The following ABLIM1 variants were observed in gnomAD, a reference collection of about 807,000 sequenced individuals.
The protein encoded by ABLIM1 is actin-binding LIM protein 1.
Under a neutral mutation model 107.0 loss-of-function variants are expected in ABLIM1, and 40 were observed. That is an observed-to-expected ratio of 0.37 (90% CI 0.29 to 0.49). ABLIM1 has a LOEUF of 0.49. Among genes scored for constraint, ABLIM1 ranks in the 20% least tolerant of loss-of-function variants. ABLIM1 has a pLI of 0.97. For missense variants in ABLIM1, 857 were observed against 1,008.5 expected (o/e 0.85, Z 2.04); for synonymous variants, 357 against 357.3 (o/e 1.00, Z 0.01).
chr10:114,481,654 C>T (rs957962027), intron 8 of ABLIM1, among the ~76,000 whole-genome samples: 2 of 152,178 alleles, frequency 1.3e-5, no homozygotes, highest in East Asian at 1.9e-4. Context: ...GGGTGCTGTG[C>T]GCACACACCA....
At chr10:114,547,819 G>A (rs995033989) in intron 4 of ABLIM1, 43 bp from the exon 5 acceptor site, 16 of 1,592,718 alleles carry the variant, frequency 1.0e-5, no homozygotes, top group African/African-American at 4.0e-5. Context: ...CATTTCCTTT[G>A]CTAAATCCAA....
At chr10:114,580,580 T>C (rs542626600) in intron 2 of ABLIM1, among the ~76,000 whole-genome samples, 1 of 152,332 alleles carries the variant, frequency 6.6e-6, no homozygotes, top group South Asian at 2.1e-4. Context: ...ATAAGTTGAA[T>C]AAATCTTTGA....
intron 1 of ABLIM1, among the ~76,000 whole-genome samples, chr10:114,671,183 T>C (rs1190586764): frequency 6.6e-6 from 1 of 152,258 alleles, no homozygotes; most frequent in African/African-American, 2.4e-5. Context: ...ATGATTCATG[T>C]GACAGTATGT....
intron 6 of ABLIM1, among the ~76,000 whole-genome samples, chr10:114,527,204 T>TG (rs1565831930): frequency 6.6e-6 from 1 of 152,166 alleles, no homozygotes; most frequent in Non-Finnish European, 1.5e-5. Flanking sequence ...TCACACAGCC[T>TG]GCAGCCTCCT....
At chr10:114,701,966 G>C (rs2081315488) in intron 1 of ABLIM1, among the ~76,000 whole-genome samples, 1 of 152,164 alleles carries the variant, frequency 6.6e-6, no homozygotes, top group Non-Finnish European at 1.5e-5. Flanking sequence ...GAGTGTTGAA[G>C]CTGGGCGATG....
At chr10:114,524,488 AAAAG>A (rs1343633458) in intron 6 of ABLIM1, among the ~76,000 whole-genome samples, 2 of 152,208 alleles carry the variant, frequency 1.3e-5, no homozygotes, top group African/African-American at 4.8e-5. Flanking sequence ...GCGAAAAGAA[AAAAG>A]AAATGAAAGC....
At chr10:114,656,214 G>T (rs1403317388) in intron 1 of ABLIM1, among the ~76,000 whole-genome samples, 2 of 139,228 alleles carry the variant, frequency 1.4e-5, no homozygotes, top group East Asian at 4.5e-4. Flanking sequence ...AGGTTGCAGT[G>T]AGCCGAGATC....
chr10:114,793,376 C>A, the ABLIM1 span, among the ~76,000 whole-genome samples: 3 of 152,004 alleles, frequency 2.0e-5, no homozygotes, highest in African/African-American at 7.3e-5. Context: ...GCCTGCTCCC[C>A]CTTTGCCTTC....
chr10:114,593,995 C>T (rs886466231), intron 2 of ABLIM1, among the ~76,000 whole-genome samples: 4 of 152,188 alleles, frequency 2.6e-5, no homozygotes, highest in Non-Finnish European at 5.9e-5. Context: ...CAGTAAGAAG[C>T]GAGCACATTT....
intron 4 of ABLIM1, among the ~76,000 whole-genome samples, chr10:114,563,082 G>A (rs1308416545): frequency 1.3e-5 from 2 of 152,232 alleles, no homozygotes; most frequent in South Asian, 2.1e-4. Context: ...AAATGATTTT[G>A]GAAAAGAAGA....
intron 1 of ABLIM1, among the ~76,000 whole-genome samples, chr10:114,677,017 A>C (rs1019972012): frequency 3.3e-5 from 5 of 152,132 alleles, no homozygotes; most frequent in Admixed American, 3.3e-4. Context: ...GATTACAGGC[A>C]TGAGCCACCG....
At chr10:114,578,255 C>T (rs906790204) in intron 2 of ABLIM1, among the ~76,000 whole-genome samples, 1 of 152,244 alleles carries the variant, frequency 6.6e-6, no homozygotes, top group Non-Finnish European at 1.5e-5. Context: ...CCATGCCTCT[C>T]TCAAACCCAG....
chr10:114,690,569 C>G, intron 1 of ABLIM1: 2 of 1,056,840 alleles, frequency 1.9e-6, no homozygotes, highest in Non-Finnish European at 3.0e-6. Flanking sequence ...TGTCTGCAAA[C>G]AGCTCAAAGG....
chr10:114,716,410 A>AAC (rs56097544), intron 1 of ABLIM1, among the ~76,000 whole-genome samples: 59,976 of 143,382 alleles, frequency 0.42, 13,101 homozygotes, highest in Non-Finnish European at 0.52. Context: ...GGTAGAGAGA[A>AAC]ACACACACAC....
rs1294988447 is a variant in ABLIM1 at position 114,697,870 on chromosome 10, A to G, written c.-213+70191T>C. 3.9e-5 allele frequency among the ~76,000 whole-genome samples: 6 copies of G among 152,186 alleles called. 1 individual carries two copies. In the South Asian group the frequency reaches 8.3e-4, roughly 21 times the overall value. ...TGCCATTTCATTTGGTATGTGATAA[A>G]TAAGTGCTTTAAAGTAATGATTTTA... is the stretch of plus-strand genomic sequence containing the variant. On this transcript the variant is annotated intron_variant, in intron 1 of 15. Coordinates refer to the ABLIM1 transcript ENST00000651092.
At chr10:114,748,180 T>A (rs1357205392) in intron 1 of ABLIM1, among the ~76,000 whole-genome samples, 1 of 152,014 alleles carries the variant, frequency 6.6e-6, no homozygotes, top group Non-Finnish European at 1.5e-5. Context: ...CTTGCTGTCT[T>A]CAGGAAAAAG....
Position 114,658,162 on chromosome 10 carries a change from C to T in ABLIM1, c.39G>A (p.Leu13=). Residue 13 remains leucine (L), a synonymous_variant, in exon 1 of 23, where the codon TTG becomes TTA. Transcript: ENST00000533213. The stretch of plus-strand genomic sequence containing the variant: ...TGACTTTGCTTTTCTCAGAGCTGCA[C>T]AATTTCCCCAGACACTTTAGACCAA... ...AFLGLKCLGK[L]CSSEKSKVTS... 1 of 1,613,702 alleles carries T rather than the reference C, an allele frequency of 6.2e-7. No individual in the cohort carries two copies. Among genetic ancestry groups the T allele is most frequent in the Non-Finnish European group, 8.5e-7 (1 of 1,179,670 alleles).
chr10:114,597,784 G>A (rs572574106), intron 2 of ABLIM1, among the ~76,000 whole-genome samples: 3 of 152,216 alleles, frequency 2.0e-5, no homozygotes, highest in African/African-American at 7.2e-5. Context: ...TACTATGTAA[G>A]AGGAGAGAGA....
rs183531121 is a variant in ABLIM1 at position 114,441,135 on chromosome 10, G to A, written c.1999-58C>T. The A allele has an allele frequency of 8.7e-6, 13 of 1,497,428 alleles. No individual in the cohort carries two copies. In the African/African-American group the frequency reaches 1.5e-4, roughly 18 times the overall value. 92.8% of individuals were successfully genotyped at this position (1,497,428 alleles called of 1,614,324 possible). ...TCCATAGTGATCGTTTTGGAGTCAG[G>A]TGAAAAGGAAGAAAGAGTTTACAAA... On this transcript the variant is annotated intron_variant, in intron 18 of 22. Transcript: ENST00000533213.
Sources: gnomAD v4.1 joint callset for allele counts (sites outside exome capture counted in the v4.1 genomes callset) on GRCh38, gnomAD v4.1.1 for gene constraint, MANE v1.5 for transcripts, NCBI Gene and HGNC (gene_info 2026-07-23, HGNC 2026-07-21) for gene names.